Variants in ADGRB3 observed in about 807,000 individuals in gnomAD.
ADGRB3 encodes adhesion G protein-coupled receptor B3.
A neutral mutation model predicts 193.4 loss-of-function variants in ADGRB3; 37 were observed. The ratio of observed to expected loss-of-function variants is 0.19; its 90% CI spans 0.15 to 0.25. The LOEUF (loss-of-function observed/expected upper bound fraction) is 0.25. Ranked by LOEUF, ADGRB3 falls within the 10% of genes least tolerant of loss-of-function variation. The pLI is 1.00. For synonymous variants in ADGRB3, 690 were observed against 644.2 expected (o/e 1.07, Z -1.08); for missense variants, 1,637 against 1,852.9 (o/e 0.88, Z 2.14).
chr6:68,927,854 A>G (rs981345732), intron 3 of ADGRB3, among the ~76,000 whole-genome samples: 22 of 152,246 alleles, frequency 1.4e-4, no homozygotes, highest in African/African-American at 5.1e-4. Context: ...ATAATTTTTC[A>G]GATACATTAT....
In ADGRB3 at chr6:69,187,036, C is replaced by T. The variant is rs1765086520; in HGVS notation, c.2481-46254C>T. ...ACAATAATTGGAATGGTAAACATAA[C>T]ATTTGAAATGTGACAGTTTTCTTTC... On this transcript the variant is annotated intron_variant, in intron 17 of 31. Transcript: ENST00000370598. Among the ~76,000 whole-genome samples the T allele has an allele frequency of 1.3e-5, 2 of 149,600 alleles. 1 individual carries two copies.
At chr6:68,722,556 T>C (rs1473062278) in intron 3 of ADGRB3, among the ~76,000 whole-genome samples, 5 of 151,686 alleles carry the variant, frequency 3.3e-5, no homozygotes, top group African/African-American at 9.7e-5. Context: ...GATGAAGTTA[T>C]ATACCACCTT....
At chr6:69,331,770 A>G (rs1758786692) in intron 23 of ADGRB3, 12 of 985,308 alleles carry the variant, frequency 1.2e-5, no homozygotes, top group Non-Finnish European at 1.4e-5. Flanking sequence ...TTGAAACACC[A>G]AAGTATGGTC....
intron 17 of ADGRB3, among the ~76,000 whole-genome samples, chr6:69,092,435 A>G (rs1259763739): frequency 1.3e-5 from 2 of 152,164 alleles, no homozygotes; most frequent in Non-Finnish European, 2.9e-5. Context: ...ATTGAGACTC[A>G]AGTTTTATTC....
intron 3 of ADGRB3, among the ~76,000 whole-genome samples, chr6:68,843,517 G>C (rs1768205214): frequency 6.6e-6 from 1 of 151,962 alleles, no homozygotes; most frequent in Non-Finnish European, 1.5e-5. Context: ...GAAAGAAATT[G>C]AAGATGACCC....
chr6:69,360,846 C>A, intron 28 of ADGRB3, 23 bp from the exon 29 acceptor site: 1 of 1,546,510 alleles, frequency 6.5e-7, no homozygotes, highest in South Asian at 1.2e-5. Context: ...TCTCTTTCTT[C>A]AACTTTACAT....
intron 3 of ADGRB3, among the ~76,000 whole-genome samples, chr6:68,911,840 T>A (rs1383205936): frequency 6.6e-6 from 1 of 150,938 alleles, no homozygotes; most frequent in Non-Finnish European, 1.5e-5. Context: ...TACACAAAGG[T>A]CATTCCTAAA....
chr6:69,328,158 G>T (rs1768621327), intron 22 of ADGRB3, among the ~76,000 whole-genome samples: 1 of 152,094 alleles, frequency 6.6e-6, no homozygotes, highest in African/African-American at 2.4e-5. Flanking sequence ...TATTTTGCAT[G>T]CCCAATCTCA....
chr6:68,806,252 T>G (rs1418206812), intron 3 of ADGRB3, among the ~76,000 whole-genome samples: 3 of 152,226 alleles, frequency 2.0e-5, no homozygotes, highest in Non-Finnish European at 4.4e-5. Flanking sequence ...AGATTTACTC[T>G]TCATGCTCCA....
At chr6:68,734,444 C>T (rs1342306055) in intron 3 of ADGRB3, among the ~76,000 whole-genome samples, 1 of 151,864 alleles carries the variant, frequency 6.6e-6, no homozygotes, top group African/African-American at 2.4e-5. Context: ...TTCCTTTTAT[C>T]ATAATGATGT....
At chr6:69,100,332 A>C (rs1255025415) in intron 17 of ADGRB3, among the ~76,000 whole-genome samples, 2 of 152,168 alleles carry the variant, frequency 1.3e-5, no homozygotes, top group Non-Finnish European at 2.9e-5. Flanking sequence ...CAGGGTTATA[A>C]CTGGATACAA....
chr6:69,387,336 A>G (rs1770095887), intron 31 of ADGRB3, among the ~76,000 whole-genome samples: 1 of 152,110 alleles, frequency 6.6e-6, no homozygotes, highest in Non-Finnish European at 1.5e-5. Flanking sequence ...GAAAGGAAGG[A>G]TAAGGCAGAG....
intron 26 of ADGRB3, among the ~76,000 whole-genome samples, chr6:69,344,848 T>C (rs545754455): frequency 1.2e-4 from 19 of 152,268 alleles, no homozygotes; most frequent in African/African-American, 4.6e-4. Flanking sequence ...TGAAGGTTTC[T>C]GGTAGAGGAA....
chr6:69,367,196 A>T (rs2880923), intron 29 of ADGRB3, among the ~76,000 whole-genome samples: 26,221 of 152,108 alleles, frequency 0.17, 2,670 homozygotes, highest in African/African-American at 0.28. Flanking sequence ...GCATATTCTC[A>T]TAAGATCACA....
At chr6:69,206,383 A>G (rs1480199850) in intron 17 of ADGRB3, among the ~76,000 whole-genome samples, 1 of 152,034 alleles carries the variant, frequency 6.6e-6, no homozygotes, top group African/African-American at 2.4e-5. Context: ...TCCTTTGGCA[A>G]TGCCCTCACA....
chr6:69,245,031 C>T (rs918293484), intron 20 of ADGRB3, among the ~76,000 whole-genome samples: 3 of 152,012 alleles, frequency 2.0e-5, no homozygotes, highest in South Asian at 4.2e-4. Context: ...CTTTTGCATT[C>T]GGAGGCAAAA....
intron 19 of ADGRB3, among the ~76,000 whole-genome samples, chr6:69,237,177 T>C (rs1766282207): frequency 6.6e-6 from 1 of 152,022 alleles, no homozygotes; most frequent in Non-Finnish European, 1.5e-5. Flanking sequence ...ATTATACATG[T>C]AGGGTATATA....
chr6:68,909,061 G>T (rs915056117), intron 3 of ADGRB3, among the ~76,000 whole-genome samples: 4 of 152,132 alleles, frequency 2.6e-5, no homozygotes, highest in Admixed American at 2.0e-4. Context: ...AGACATTGGA[G>T]ATTTTAATTA....
intron 20 of ADGRB3, among the ~76,000 whole-genome samples, chr6:69,264,795 A>AT (rs1767005535): frequency 6.6e-6 from 1 of 151,970 alleles, no homozygotes; most frequent in South Asian, 2.1e-4. Context: ...AGAAAAAAAA[A>AT]GTGTATCTAT....
Sources: allele counts gnomAD v4.1 joint callset (sites outside exome capture counted in the v4.1 genomes callset), GRCh38; gene constraint gnomAD v4.1.1; transcripts MANE v1.5; gene names NCBI Gene and HGNC (gene_info 2026-07-23, HGNC 2026-07-21).